Variants in CACNA1A observed in about 807,000 individuals in gnomAD.
CACNA1A encodes calcium voltage-gated channel subunit alpha1 A.
A neutral mutation model predicts 262.4 loss-of-function variants in CACNA1A; 57 were observed. The ratio of observed to expected loss-of-function variants is 0.22; its 90% CI spans 0.18 to 0.27. CACNA1A has a LOEUF of 0.27. Among genes scored for constraint, CACNA1A ranks in the 10% least tolerant of loss-of-function variants. CACNA1A has a pLI of 1.00. For synonymous variants in CACNA1A, 1,431 were observed against 1,419.3 expected (o/e 1.01, Z -0.18); for missense variants, 2,526 against 3,562.8 (o/e 0.71, Z 7.41).
At chr19:13,254,765 TG>T (rs1268097833) in intron 29 of CACNA1A, among the ~76,000 whole-genome samples, 2 of 151,862 alleles carry the variant, frequency 1.3e-5, no homozygotes, top group African/African-American at 4.8e-5. Flanking sequence ...CATAAATGGG[TG>T]GGGGACACTG....
intron 30 of CACNA1A, 134 bp downstream of exon 30, chr19:13,252,857 C>A: frequency 1.7e-6 from 1 of 572,464 alleles, no homozygotes; most frequent in Non-Finnish European, 3.1e-6. Context: ...GGATCTGTGG[C>A]CACTGGCAGG....
At chr19:13,466,894 T>G (rs1007705099) in intron 1 of CACNA1A, among the ~76,000 whole-genome samples, 12 of 150,826 alleles carry the variant, frequency 8.0e-5, no homozygotes, top group Non-Finnish European at 1.6e-4. Context: ...ATTTATTTAT[T>G]TATTTATTTA....
At chr19:13,322,705 C>T (rs927235454) in intron 10 of CACNA1A, among the ~76,000 whole-genome samples, 11 of 152,026 alleles carry the variant, frequency 7.2e-5, no homozygotes, top group African/African-American at 2.2e-4. Context: ...AAGCAATTCT[C>T]CTGCCTCAGC....
intron 37 of CACNA1A, 22 bp downstream of exon 37, chr19:13,227,409 G>T: frequency 7.2e-7 from 1 of 1,381,274 alleles, no homozygotes; most frequent in Non-Finnish European, 1.0e-6. Context: ...CTGGACGTCG[G>T]TGGTCGGCAA....
At chr19:13,230,281 T>TACAG (rs1055982869) in intron 35 of CACNA1A, 72 bp from the exon 36 acceptor site, 3 of 1,552,048 alleles carry the variant, frequency 1.9e-6, no homozygotes, top group Non-Finnish European at 2.7e-6. Flanking sequence ...GTGAGAAGGA[T>TACAG]ACAGACAGAC....
chr19:13,321,185 T>C (rs2058244862), intron 10 of CACNA1A, among the ~76,000 whole-genome samples: 1 of 151,956 alleles, frequency 6.6e-6, no homozygotes, highest in Non-Finnish European at 1.5e-5. Context: ...AGGTGCCCAC[T>C]ACCACGTCCG....
At chr19:13,486,582 G>C (rs1980024297) in intron 1 of CACNA1A, among the ~76,000 whole-genome samples, 1 of 152,052 alleles carries the variant, frequency 6.6e-6, no homozygotes. Context: ...AGACGGCGAG[G>C]GTAAGGAAAT....
Position 13,277,023 on chromosome 19 carries a change from TA to T in CACNA1A, c.3882+45del, listed in dbSNP as rs34471308. The T allele has an allele frequency of 0.015, 16,704 of 1,093,558 alleles. 40 individuals carry two copies. Among genetic ancestry groups the T allele is most frequent in the African/African-American group, 0.037 (2,330 of 63,098 alleles). The allele number at this position is 1,093,558 out of a possible 1,614,324, so 67.7% of individuals were successfully genotyped here. On this transcript the variant is annotated intron_variant, in intron 23 of 46. Transcript: ENST00000360228. The stretch of plus-strand genomic sequence containing the variant: ...CACTGTGCCCAGCCCTGCACTTGCT[TA>T]AAAAAAAAAATTACCGTGTGTTCTC...
chr19:13,243,175 G>A (rs1247131417), intron 31 of CACNA1A, among the ~76,000 whole-genome samples: 2 of 152,234 alleles, frequency 1.3e-5, no homozygotes, highest in African/African-American at 4.8e-5. Flanking sequence ...TAGAAACTCA[G>A]GACAGGGGAG....
chr19:13,425,292 A>G (rs1221049874), intron 3 of CACNA1A, among the ~76,000 whole-genome samples: 1 of 152,236 alleles, frequency 6.6e-6, no homozygotes, highest in East Asian at 1.9e-4. Flanking sequence ...AGCATCTACC[A>G]GAGCATTAAA....
intron 3 of CACNA1A, among the ~76,000 whole-genome samples, chr19:13,439,047 C>T (rs551931986): frequency 6.6e-6 from 1 of 151,932 alleles, no homozygotes; most frequent in South Asian, 2.1e-4. Flanking sequence ...CTTTCTCTTT[C>T]TTTTCTGACT....
intron 1 of CACNA1A, among the ~76,000 whole-genome samples, chr19:13,473,125 C>T (rs560224552): frequency 1.6e-4 from 25 of 151,868 alleles, no homozygotes; most frequent in South Asian, 2.1e-4. Flanking sequence ...TGGTGGTGCA[C>T]GCCTGTAAGT....
chr19:13,421,885 A>G (rs112527550), intron 3 of CACNA1A, among the ~76,000 whole-genome samples: 73 of 152,326 alleles, frequency 4.8e-4, no homozygotes, highest in African/African-American at 1.7e-3. Context: ...TTGGAGGGTC[A>G]GGAGAGGGTT....
rs545287559 is a variant in CACNA1A, at chr19:13,499,934, A to G, written c.293+5998T>C. ...GTGCTTTTTATTGCTGAGAAAGTGT[A>G]TATGTGTGCTTGCTACTGGGGGGGA... On this transcript the variant is annotated intron_variant, in intron 1 of 46. Coordinates refer to ENST00000360228, the MANE Select transcript of CACNA1A (RefSeq NM_001127222.2). 2.6e-5 allele frequency among the ~76,000 whole-genome samples: 4 copies of G among 151,962 alleles called. No homozygotes were observed. The South Asian group carries it at 8.4e-4, about 32-fold the overall frequency.
At position 13,208,791 on chromosome 19, in the gene CACNA1A, G is replaced by T. The variant is rs771433851; in HGVS notation, c.6745C>A (p.Pro2249Thr). 6.4e-7 allele frequency: 1 copy of T among 1,560,600 alleles called. No homozygotes were observed. Among genetic ancestry groups the T allele is most frequent in the South Asian group, 1.2e-5 (1 of 86,812 alleles). Residue 2249 changes from proline (P) to threonine (T), a missense_variant, in exon 46 of 47, where the codon CCC becomes ACC. Physicochemically the swap from Pro to Thr is conservative, Grantham distance 38 (BLOSUM62 -1). Coordinates refer to ENST00000360228, the MANE Select transcript of CACNA1A (RefSeq NM_001127222.2). The stretch of plus-strand genomic sequence containing the variant: ...GCCATGTGCTCTCGGCCCTCGCTGG[G>T]CGAGCGGGACCAGCGCTGGTCCCGA... ...RARDQRWSRS[P>T]SEGREHMAHR... is the part of the protein sequence containing the mutation.
chr19:13,437,475 G>A (rs1365222441), intron 3 of CACNA1A, among the ~76,000 whole-genome samples: 6 of 152,110 alleles, frequency 3.9e-5, no homozygotes, highest in East Asian at 1.9e-4. Flanking sequence ...TGGATCACCT[G>A]AGGTCAGGAG....
chr19:13,408,961 C>T (rs986877518), intron 3 of CACNA1A, among the ~76,000 whole-genome samples: 7 of 152,064 alleles, frequency 4.6e-5, no homozygotes, highest in South Asian at 2.1e-4. Context: ...TTTGTAATTC[C>T]GAGTTGAAAA....
intron 6 of CACNA1A, among the ~76,000 whole-genome samples, chr19:13,343,793 G>C (rs72997512): frequency 0.11 from 16,536 of 152,154 alleles, 1,200 homozygotes; most frequent in East Asian, 0.37. Context: ...TGAAAATAGA[G>C]ACACAACACA....
chr19:13,463,787 T>C (rs1378265784), intron 1 of CACNA1A, among the ~76,000 whole-genome samples: 1 of 152,224 alleles, frequency 6.6e-6, no homozygotes, highest in African/African-American at 2.4e-5. Context: ...ATGAGAAGTC[T>C]ACTCAGGGCT....
Sources: allele counts gnomAD v4.1 joint callset (sites outside exome capture counted in the v4.1 genomes callset), GRCh38; gene constraint gnomAD v4.1.1; transcripts MANE v1.5; gene names NCBI Gene and HGNC (gene_info 2026-07-23, HGNC 2026-07-21).